The following MARK2 variants were observed in gnomAD, a reference collection of about 807,000 sequenced individuals.
MARK2 encodes serine/threonine-protein kinase MARK2.
MARK2 carries 16 observed loss-of-function variants against 89.8 expected under a neutral mutation model. The observed-to-expected ratio is 0.18, with a 90% confidence interval of 0.12 to 0.27. MARK2 has a LOEUF of 0.27. MARK2 is among the 10% of genes least tolerant of loss of function. The probability of loss-of-function intolerance (pLI) is 1.00; values close to 1 mark genes in which losing one functional copy is unlikely to be tolerated. For synonymous variants in MARK2, 382 were observed against 399.5 expected, an observed-to-expected ratio of 0.96 and a Z score of 0.52; for missense variants, 621 against 1,049.9, an observed-to-expected ratio of 0.59 and a Z score of 5.65.
chr11:63,865,971 T>G (rs1010966445), intron 1 of MARK2, among the ~76,000 whole-genome samples: 2 of 152,220 alleles, frequency 1.3e-5, no homozygotes, highest in African/African-American at 2.4e-5. Context: ...TAATGTCTCT[T>G]CTACCCTGCT....
At chr11:63,868,963 TG>T (rs1591012663) in intron 1 of MARK2, 1 of 439,652 alleles carries the variant, frequency 2.3e-6, no homozygotes, top group Non-Finnish European at 4.6e-6. Flanking sequence ...TCGCTTTTCC[TG>T]ATTGACCCAT....
At chr11:63,888,891 G>A (rs761374691) in intron 1 of MARK2, 5 of 1,344,018 alleles carry the variant, frequency 3.7e-6, no homozygotes, top group African/African-American at 1.5e-5. Flanking sequence ...CTTTGCCCTC[G>A]CTGCCTGACA....
Position 63,902,127 on chromosome 11 carries a change from A to T in MARK2, c.1102-71A>T. 6.4e-7 allele frequency: 1 copy of T among 1,567,786 alleles called. No homozygotes were observed. On this transcript the variant is annotated intron_variant, in intron 11 of 18. Transcript: ENST00000402010. The surrounding 1 kb of genome is among the most constrained non-coding windows in gnomAD (Gnocchi z 4.2). ...AGTGTTGGGAGAGGGCGGTATGTGT[A>T]AATGTGTCCATCCATAGGGATCTCC...
At chr11:63,862,887 A>C (rs1937888255) in intron 1 of MARK2, among the ~76,000 whole-genome samples, 2 of 152,058 alleles carry the variant, frequency 1.3e-5, no homozygotes, top group Admixed American at 1.3e-4. Context: ...CCCACTAAAC[A>C]TAAGAAGCTT....
chr11:63,901,162 C>A, intron 11 of MARK2, 93 bp downstream of exon 11: 1 of 824,800 alleles, frequency 1.2e-6, no homozygotes. Context: ...AAGCTCATCT[C>A]TGAGTAGGTG....
chr11:63,849,708 A>G (rs2135206533), intron 1 of MARK2, among the ~76,000 whole-genome samples: 1 of 152,300 alleles, frequency 6.6e-6, no homozygotes, highest in Non-Finnish European at 1.5e-5. Context: ...AACAGAGATC[A>G]TGCCACTGCA....
At chr11:63,889,556 G>C in intron 1 of MARK2, among the ~76,000 whole-genome samples, 1 of 152,240 alleles carries the variant, frequency 6.6e-6, no homozygotes, top group Non-Finnish European at 1.5e-5. Context: ...TTCCGGGCAA[G>C]CCTGACAACA....
intron 1 of MARK2, 91 bp from the exon 2 acceptor site, chr11:63,895,068 C>T: frequency 2.8e-6 from 3 of 1,062,720 alleles, no homozygotes; most frequent in Non-Finnish European, 4.2e-6. Flanking sequence ...TGGAATCTGC[C>T]CCTGCACCCT....
intron 1 of MARK2, among the ~76,000 whole-genome samples, chr11:63,891,761 T>G (rs1939876537): frequency 6.6e-6 from 1 of 152,224 alleles, no homozygotes; most frequent in South Asian, 2.1e-4. Context: ...TTCCTGTTCA[T>G]TGCCCGTTAG....
chr11:63,897,808 G>C (rs566205526), intron 3 of MARK2, among the ~76,000 whole-genome samples: 1 of 152,290 alleles, frequency 6.6e-6, no homozygotes, highest in South Asian at 2.1e-4. Context: ...GAAAATGATG[G>C]GGTCCCCCTC....
chr11:63,902,277 A>G lies in MARK2; in HGVS notation c.1181A>G (p.Lys394Arg). 2 of 1,614,134 alleles carry G rather than the reference A, an allele frequency of 1.2e-6. No homozygotes were observed. The highest frequency in any genetic ancestry group is 1.7e-6 in the Non-Finnish European group (2 of 1,180,008). ...AGCAGCGCCCCATCCCCATCCCACA[A>G]GGTACAGCGCAGCGTGTCGGCCAAT... ...TNSSAPSPSH[K>R]VQRSVSANPK... Residue 394 changes from lysine (K) to arginine (R), a missense_variant, in exon 12 of 19, where the codon AAG becomes AGG. This residue lies in a region of MARK2 where 397 missense variants were observed against 567.8 expected (regional missense o/e 0.70). Transcript: ENST00000402010. The surrounding 1 kb of genome is among the most constrained non-coding windows in gnomAD (Gnocchi z 4.2).
At chr11:63,861,418 G>C (rs968514108) in intron 1 of MARK2, among the ~76,000 whole-genome samples, 1 of 152,144 alleles carries the variant, frequency 6.6e-6, no homozygotes, top group African/African-American at 2.4e-5. Context: ...CTGGGCGACA[G>C]AGCGAGACTC....
Position 63,879,268 on chromosome 11 carries a change from C to T in MARK2, c.55-15891C>T, listed in dbSNP as rs370006954. Among the ~76,000 whole-genome samples, 551 of 152,194 alleles carry T rather than the reference C, an allele frequency of 3.6e-3. 4 individuals carry two copies. The highest frequency in any genetic ancestry group is 6.5e-3 in the Non-Finnish European group (443 of 68,006). On this transcript the variant is annotated intron_variant, in intron 1 of 18. Coordinates refer to ENST00000402010, the MANE Select transcript of MARK2 (RefSeq NM_001039469.3). Reference sequence around the variant, plus strand: ...GTTGCAGTGAGCTGAGATGACACCACTGCACTCCAGCCTGGGCGATAGAGT... The same window carrying T: ...GTTGCAGTGAGCTGAGATGACACCATTGCACTCCAGCCTGGGCGATAGAGT...
chr11:63,873,630 G>A (rs1173873525), intron 1 of MARK2, among the ~76,000 whole-genome samples: 1 of 152,128 alleles, frequency 6.6e-6, no homozygotes, highest in Non-Finnish European at 1.5e-5. Context: ...CCTGCTGAAT[G>A]GGGAGGATTG....
intron 1 of MARK2, among the ~76,000 whole-genome samples, chr11:63,874,990 G>A (rs148964925): frequency 1.3e-5 from 2 of 152,114 alleles, no homozygotes; most frequent in East Asian, 3.9e-4. Context: ...TCACTCTGTC[G>A]CCCAGGCTGG....
chr11:63,891,100 G>T (rs1939816404), intron 1 of MARK2, among the ~76,000 whole-genome samples: 1 of 151,478 alleles, frequency 6.6e-6, no homozygotes, highest in African/African-American at 2.4e-5. Context: ...TCCTTTTTGT[G>T]AATGGGGGTC....
In MARK2 at chr11:63,909,272, C is replaced by T; in HGVS notation, c.*35C>T. On this transcript the variant is annotated 3_prime_UTR_variant, in exon 19 of 19. Coordinates refer to ENST00000402010, the MANE Select transcript of MARK2 (RefSeq NM_001039469.3). ...AGGAGCGGGGGCGGCGGGGGCGGGC[C>T]AGCTGGACGGGCTGCCGGCCGCTGC... The T allele has an allele frequency of 6.5e-7, 1 of 1,534,980 alleles. No homozygotes were observed. Among genetic ancestry groups the T allele is most frequent in the Non-Finnish European group, 8.8e-7 (1 of 1,136,188 alleles).
chr11:63,864,844 C>G (rs1363754962), intron 1 of MARK2, among the ~76,000 whole-genome samples: 1 of 151,966 alleles, frequency 6.6e-6, no homozygotes, highest in East Asian at 2.0e-4. Flanking sequence ...GACTCCATCT[C>G]TAATATTAAA....
intron 16 of MARK2, 147 bp downstream of exon 16, chr11:63,905,190 A>T (rs949462713): frequency 2.1e-5 from 20 of 938,832 alleles, no homozygotes; most frequent in Non-Finnish European, 3.0e-5. Context: ...GAAGCACAAG[A>T]AATTAGGTCT....
Sources: allele counts gnomAD v4.1 joint callset (sites outside exome capture counted in the v4.1 genomes callset), GRCh38; gene constraint gnomAD v4.1.1; regional missense constraint gnomAD v4.1.1; non-coding constraint Gnocchi (gnomAD v3.1); transcripts MANE v1.5; gene names NCBI Gene and HGNC (gene_info 2026-07-23, HGNC 2026-07-21).